Variants in PARVG observed in about 807,000 individuals in gnomAD.
PARVG encodes the protein parvin gamma, also known as gamma-parvin.
Under a neutral mutation model 44.4 loss-of-function variants are expected in PARVG, and 36 were observed. The ratio of observed to expected loss-of-function variants is 0.81; its 90% CI spans 0.62 to 1.07. The LOEUF is 1.07. PARVG is among the 50% of genes least tolerant of loss of function. PARVG has a pLI of 0.00. For missense variants in PARVG, 407 were observed against 407.4 expected (o/e 1.00, Z 0.01); for synonymous variants, 170 against 174.1 (o/e 0.98, Z 0.19).
At chr22:44,181,443 G>C in intron 1 of PARVG, 1 of 967,442 alleles carries the variant, frequency 1.0e-6, no homozygotes, top group Non-Finnish European at 1.2e-6. Flanking sequence ...TGGGAGGACG[G>C]CGGTGCGGGA....
At chr22:44,192,393 C>T (rs1172525541) in intron 8 of PARVG, among the ~76,000 whole-genome samples, 2 of 152,226 alleles carry the variant, frequency 1.3e-5, no homozygotes, top group African/African-American at 2.4e-5. Context: ...GAATCTGTCT[C>T]TCTAGTGTGA....
chr22:44,198,605 G>A lies in PARVG; in HGVS notation c.712-16G>A. On this transcript the variant is annotated splice_polypyrimidine_tract_variant and intron_variant, in intron 11 of 13. Transcript: ENST00000444313. The stretch of plus-strand genomic sequence containing the variant: ...GGCTTCTTCCATGTGATTGTCTCCA[G>A]TTCCTTCCTTTGTAGTTTGCAGATG... The A allele has an allele frequency of 6.3e-7, 1 of 1,593,754 alleles. No individual in the cohort carries two copies. Among genetic ancestry groups the A allele is most frequent in the Non-Finnish European group, 8.6e-7 (1 of 1,161,488 alleles).
rs752039494 is a variant in PARVG at position 44,196,393 on chromosome 22, C to A, written c.689C>A (p.Ser230Tyr). Residue 230 changes from serine to tyrosine, a missense_variant, in exon 11 of 14, where the codon TCT becomes TAT. Ser to Tyr is a moderately radical substitution (Grantham distance 144, BLOSUM62 -2). Transcript: ENST00000444313. ...VNQKLDRLGL[S>Y]VQNLDTQFAD... ...CAGAAGCTGGACCGCCTGGGCCTGT[C>A]TGTGCAGAATCTGGACACCCAGGTA... is the stretch of plus-strand genomic sequence containing the variant. 2.5e-6 allele frequency: 4 copies of A among 1,614,078 alleles called. No homozygotes were observed. In the African/African-American group the frequency reaches 5.3e-5, roughly 22 times the overall value.
chr22:44,189,334 G>C, intron 6 of PARVG, 80 bp downstream of exon 6: 1 of 1,549,974 alleles, frequency 6.5e-7, no homozygotes, highest in Non-Finnish European at 8.7e-7. Flanking sequence ...TCACCCACCA[G>C]GAAGGCGCAC....
At chr22:44,180,831 C>A, upstream of PARVG, 1 of 796,478 alleles carries the variant, frequency 1.3e-6, no homozygotes, top group Non-Finnish European at 1.5e-6. Context: ...CTGATTTAGC[C>A]ACTTTCTGCC....
In PARVG at chr22:44,185,856, T is replaced by C. The variant is rs1426932895; in HGVS notation, c.128T>C (p.Phe43Ser). The C allele has an allele frequency of 1.2e-6, 2 of 1,613,222 alleles. No homozygotes were observed. Among genetic ancestry groups the C allele is most frequent in the Non-Finnish European group, 1.7e-6 (2 of 1,179,560 alleles). ...LPPTSRKDPKFEELQKVLMEW... is the reference protein window; with the variant it reads ...LPPTSRKDPKSEELQKVLMEW... ...CCCACTTCCCGGAAGGACCCCAAAT[T>C]TGAAGAACTGCAGAAGGTACAGCAG... is the stretch of plus-strand genomic sequence containing the variant. Residue 43 changes from phenylalanine to serine, a missense_variant, in exon 4 of 14, where the codon TTT becomes TCT. Transcript: ENST00000444313.
chr22:44,185,704 T>G (rs1601730538), intron 3 of PARVG, 104 bp from the exon 4 acceptor site: 3 of 932,222 alleles, frequency 3.2e-6, no homozygotes. Flanking sequence ...GCAGGACCGG[T>G]GCCCCTGGGT....
At chr22:44,200,890 C>T (rs1386811061) in intron 12 of PARVG, among the ~76,000 whole-genome samples, 1 of 152,122 alleles carries the variant, frequency 6.6e-6, no homozygotes, top group Non-Finnish European at 1.5e-5. Flanking sequence ...TCCCCTTAAC[C>T]TTCCTGGACA....
At chr22:44,201,425 T>C (rs2054707086) in intron 12 of PARVG, among the ~76,000 whole-genome samples, 1 of 152,038 alleles carries the variant, frequency 6.6e-6, no homozygotes, top group South Asian at 2.1e-4. Flanking sequence ...CAGCCTGCCA[T>C]GTCCCTCGCC....
At chr22:44,177,146 C>G (rs2054326484), upstream of PARVG, among the ~76,000 whole-genome samples, 1 of 152,164 alleles carries the variant, frequency 6.6e-6, no homozygotes, top group Non-Finnish European at 1.5e-5. Flanking sequence ...CCTCTTCACT[C>G]TCTTTCTGTC....
intron 12 of PARVG, 55 bp from the exon 13 acceptor site, chr22:44,205,702 G>C: frequency 1.2e-6 from 2 of 1,604,120 alleles, no homozygotes; most frequent in Non-Finnish European, 1.7e-6. Flanking sequence ...GGGACCCAAG[G>C]CCTGGCCTGG....
chr22:44,198,010 G>A (rs2054641094), intron 11 of PARVG, among the ~76,000 whole-genome samples: 1 of 152,180 alleles, frequency 6.6e-6, no homozygotes, highest in African/African-American at 2.4e-5. Context: ...CATTTCAGTT[G>A]TATTACCAAG....
In PARVG at chr22:44,193,789, C is replaced by T. The variant is rs2054582073; in HGVS notation, c.561-12C>T. On this transcript the variant is annotated splice_polypyrimidine_tract_variant and intron_variant, in intron 8 of 13. Transcript: ENST00000444313. ...TTTAACCATTTGTTTGCTTTTTCCA[C>T]CCACTGCACAGCACAGACAAGGACG... The T allele has an allele frequency of 6.2e-7, 1 of 1,611,682 alleles. No homozygotes were observed. Among genetic ancestry groups the T allele is most frequent in the African/African-American group, 1.3e-5 (1 of 74,774 alleles).
intron 9 of PARVG, among the ~76,000 whole-genome samples, chr22:44,194,222 AG>A (rs900566041): frequency 6.6e-6 from 1 of 152,230 alleles, no homozygotes; most frequent in Non-Finnish European, 1.5e-5. Context: ...TTAAACTGGC[AG>A]TGAGGGTTAA....
intron 12 of PARVG, among the ~76,000 whole-genome samples, chr22:44,201,316 C>A (rs1037724273): frequency 6.6e-6 from 1 of 152,180 alleles, no homozygotes; most frequent in Non-Finnish European, 1.5e-5. Flanking sequence ...GGCAGGGCTG[C>A]ATCTCCATTT....
At chr22:44,188,928 C>A (rs1223122465) in intron 5 of PARVG, 186 bp from the exon 6 acceptor site, 2 of 568,770 alleles carry the variant, frequency 3.5e-6, no homozygotes, top group African/African-American at 3.9e-5. Context: ...AGATGAGGGT[C>A]TCCTGGAAGC....
At chr22:44,175,038 C>T (rs975475608) in intron 1 of PARVG, among the ~76,000 whole-genome samples, 1 of 152,258 alleles carries the variant, frequency 6.6e-6, no homozygotes, top group African/African-American at 2.4e-5. Context: ...AAGAGAATCA[C>T]TTGAACCCAG....
intron 11 of PARVG, among the ~76,000 whole-genome samples, chr22:44,197,426 A>C (rs898750033): frequency 6.6e-6 from 1 of 152,178 alleles, no homozygotes; most frequent in Non-Finnish European, 1.5e-5. Context: ...AACTTGTCTA[A>C]AGTCACACAG....
chr22:44,190,726 C>G, intron 7 of PARVG, 60 bp downstream of exon 7: 1 of 1,405,566 alleles, frequency 7.1e-7, no homozygotes, highest in Non-Finnish European at 1.0e-6. Flanking sequence ...GCCCCCATTG[C>G]CGTACCCTGC....
Sources: allele counts gnomAD v4.1 joint callset (sites outside exome capture counted in the v4.1 genomes callset), GRCh38; gene constraint gnomAD v4.1.1; transcripts MANE v1.5; gene names NCBI Gene and HGNC (gene_info 2026-07-23, HGNC 2026-07-21).